The following SLCO2A1 variants were observed in gnomAD, a reference collection of about 807,000 sequenced individuals.
SLCO2A1 encodes the protein matrin F/G 1.
A neutral mutation model predicts 71.7 loss-of-function variants in SLCO2A1; 60 were observed. The observed-to-expected ratio is 0.84, with a 90% CI of 0.68 to 1.04. The LOEUF is 1.04. SLCO2A1 is among the 50% of genes least tolerant of loss of function. SLCO2A1 has a pLI of 0.00. For synonymous variants in SLCO2A1, 308 were observed against 326.7 expected (o/e 0.94, Z 0.62); for missense variants, 745 against 813.4 (o/e 0.92, Z 1.02).
intron 4 of SLCO2A1, among the ~76,000 whole-genome samples, chr3:133,954,078 T>A (rs534582402): frequency 2.0e-5 from 3 of 151,092 alleles, no homozygotes; most frequent in African/African-American, 7.3e-5. Flanking sequence ...GAGGAGCTCA[T>A]GGTGCCACAG....
At chr3:133,936,520 T>G (rs925327864) in intron 12 of SLCO2A1, among the ~76,000 whole-genome samples, 1 of 152,314 alleles carries the variant, frequency 6.6e-6, no homozygotes, top group South Asian at 2.1e-4. Flanking sequence ...TGTTAAGATT[T>G]GGCTTGGCAG....
chr3:133,969,841 G>T (rs1336173424), intron 3 of SLCO2A1, among the ~76,000 whole-genome samples: 1 of 152,156 alleles, frequency 6.6e-6, no homozygotes, highest in Non-Finnish European at 1.5e-5. Context: ...CATATGGAGT[G>T]GGGTGGGGTG....
intron 1 of SLCO2A1, among the ~76,000 whole-genome samples, chr3:133,980,994 A>T (rs1256299465): frequency 1.3e-5 from 2 of 152,222 alleles, no homozygotes; most frequent in Non-Finnish European, 2.9e-5. Flanking sequence ...GAGAGGCTCC[A>T]CTGGGCTTTC....
chr3:134,016,383 A>T (rs1935456128), intron 1 of SLCO2A1, among the ~76,000 whole-genome samples: 1 of 152,226 alleles, frequency 6.6e-6, no homozygotes, highest in African/African-American at 2.4e-5. Flanking sequence ...TATAGGAAAA[A>T]ACATTCCAAT....
intron 3 of SLCO2A1, 104 bp downstream of exon 3, chr3:133,973,559 C>T (rs1934378365): frequency 8.3e-7 from 1 of 1,208,682 alleles, no homozygotes; most frequent in African/African-American, 1.5e-5. Flanking sequence ...CTTCATATGC[C>T]CTCTTCCTGG....
Position 134,029,886 on chromosome 3 carries a change from G to A in SLCO2A1, c.-84C>T. ...GCGGCCGGGCGGGTGAGAGGCGACCGCGGCGGCAGTGGCCGGAGGAGATTC... is the reference window on the plus strand; with the variant it reads ...GCGGCCGGGCGGGTGAGAGGCGACCACGGCGGCAGTGGCCGGAGGAGATTC... On this transcript the variant is annotated 5_prime_UTR_variant, in exon 1 of 14. Coordinates refer to ENST00000310926, the MANE Select transcript of SLCO2A1 (RefSeq NM_005630.3). The A allele has an allele frequency of 1.4e-6, 1 of 715,004 alleles. No individual in the cohort carries two copies. Among genetic ancestry groups the A allele is most frequent in the Non-Finnish European group, 1.9e-6 (1 of 513,938 alleles). 44.3% of individuals were successfully genotyped at this position (715,004 alleles called of 1,614,324 possible).
intron 6 of SLCO2A1, among the ~76,000 whole-genome samples, chr3:133,949,854 G>A (rs938044799): frequency 1.3e-5 from 2 of 152,004 alleles, no homozygotes; most frequent in Non-Finnish European, 2.9e-5. Flanking sequence ...TAGAGACAGG[G>A]TCTCACTCTG....
At chr3:133,984,416 C>T (rs1934662035) in intron 1 of SLCO2A1, among the ~76,000 whole-genome samples, 1 of 152,102 alleles carries the variant, frequency 6.6e-6, no homozygotes, top group African/African-American at 2.4e-5. Context: ...ATCTGGACCC[C>T]TTGGTTCCAG....
chr3:133,945,395 G>T, intron 9 of SLCO2A1, 135 bp from the exon 10 acceptor site: 1 of 849,284 alleles, frequency 1.2e-6, no homozygotes, highest in Non-Finnish European at 1.8e-6. Context: ...GTGCCACCCT[G>T]GGATCTGAAT....
intron 9 of SLCO2A1, 35 bp from the exon 10 acceptor site, chr3:133,945,295 A>T (rs1470186044): frequency 6.3e-7 from 1 of 1,575,664 alleles, no homozygotes; most frequent in Non-Finnish European, 8.6e-7. Flanking sequence ...AATCAAACAA[A>T]GCAAGACCAA....
intron 1 of SLCO2A1, among the ~76,000 whole-genome samples, chr3:133,996,838 G>A (rs528486835): frequency 2.0e-4 from 30 of 152,256 alleles, no homozygotes; most frequent in Admixed American, 1.2e-3. Flanking sequence ...CCCTCCACAT[G>A]GGAAAAAAGC....
At chr3:133,988,698 G>A (rs1934768200) in intron 1 of SLCO2A1, among the ~76,000 whole-genome samples, 1 of 152,222 alleles carries the variant, frequency 6.6e-6, no homozygotes, top group Non-Finnish European at 1.5e-5. Flanking sequence ...TTCTCTGAAA[G>A]AGGGAGGGGA....
At chr3:134,008,441 C>T (rs527815186) in intron 1 of SLCO2A1, among the ~76,000 whole-genome samples, 1 of 152,280 alleles carries the variant, frequency 6.6e-6, no homozygotes, top group Admixed American at 6.5e-5. Context: ...ATTCAGAAAC[C>T]CCTGCTGTTT....
rs956736853 is a variant in SLCO2A1, at chr3:133,992,279, G to A, written c.97-12661C>T. On this transcript the variant is annotated intron_variant, in intron 1 of 13. Coordinates refer to ENST00000310926, the MANE Select transcript of SLCO2A1 (RefSeq NM_005630.3). ...AAAGCCTTTGATAAGACAGGCTCCT[G>A]GGGGCCCTTGAAAGGACAAAGGTCA... is the stretch of plus-strand genomic sequence containing the variant. Among the ~76,000 whole-genome samples the A allele has an allele frequency of 2.6e-5, 4 of 152,314 alleles. No homozygotes were observed. The East Asian group carries it at 5.8e-4, about 22-fold the overall frequency.
chr3:133,938,343 T>C (rs1049081723), intron 12 of SLCO2A1, 86 bp downstream of exon 12: 7 of 1,136,152 alleles, frequency 6.2e-6, no homozygotes, highest in Non-Finnish European at 9.4e-6. Flanking sequence ...AGATGGTGCT[T>C]CCTCCATCGC....
intron 4 of SLCO2A1, among the ~76,000 whole-genome samples, chr3:133,954,596 C>T (rs1933835290): frequency 6.6e-6 from 1 of 152,188 alleles, no homozygotes; most frequent in Admixed American, 6.5e-5. Context: ...TGGCCTGTGC[C>T]TGAAGGACTA....
intron 1 of SLCO2A1, among the ~76,000 whole-genome samples, chr3:133,988,049 T>TC (rs1020681706): frequency 5.3e-5 from 8 of 152,164 alleles, no homozygotes; most frequent in African/African-American, 1.9e-4. Flanking sequence ...TTCTAAGTAT[T>TC]CCCCCTCACT....
intron 1 of SLCO2A1, among the ~76,000 whole-genome samples, chr3:133,980,473 C>G (rs1934562668): frequency 6.6e-6 from 1 of 152,238 alleles, no homozygotes. Context: ...GAGCTCTGGG[C>G]TCCCCCAGGT....
intron 1 of SLCO2A1, among the ~76,000 whole-genome samples, chr3:134,023,175 C>T (rs1180381378): frequency 6.6e-6 from 1 of 152,124 alleles, no homozygotes; most frequent in Non-Finnish European, 1.5e-5. Context: ...CTCATTACAC[C>T]CGAGTCAAGA....
Sources: allele counts gnomAD v4.1 joint callset (sites outside exome capture counted in the v4.1 genomes callset), GRCh38; gene constraint gnomAD v4.1.1; transcripts MANE v1.5; gene names NCBI Gene and HGNC (gene_info 2026-07-23, HGNC 2026-07-21).